Variants in CNTNAP2 observed in about 807,000 individuals in gnomAD.
CNTNAP2 encodes the protein contactin associated protein 2, also known as contactin-associated protein-like 2.
In CNTNAP2, 98 loss-of-function variants were observed where a neutral mutation model predicts 155.2. That is an observed-to-expected ratio of 0.63 (90% CI 0.54 to 0.75). The LOEUF (loss-of-function observed/expected upper bound fraction) is 0.75. Ranked by LOEUF, CNTNAP2 falls within the 30% of genes least tolerant of loss-of-function variation. CNTNAP2 has a pLI of 0.00. For synonymous variants in CNTNAP2, 651 were observed against 631.2 expected, an observed-to-expected ratio of 1.03 and a Z score of -0.47; for missense variants, 1,727 against 1,688.1, an observed-to-expected ratio of 1.02 and a Z score of -0.40.
At chr7:147,107,284 G>T (rs2129279318) in intron 4 of CNTNAP2, among the ~76,000 whole-genome samples, 1 of 152,034 alleles carries the variant, frequency 6.6e-6, no homozygotes, top group Non-Finnish European at 1.5e-5. Flanking sequence ...TTTTATTTCT[G>T]GTGTGAAATA....
intron 11 of CNTNAP2, among the ~76,000 whole-genome samples, chr7:147,506,806 T>G (rs527237425): frequency 1.3e-3 from 194 of 152,266 alleles, no homozygotes; most frequent in African/African-American, 4.3e-3. Context: ...TTAGACCAAA[T>G]TGATTTTCTG....
chr7:147,243,104 TC>T (rs1410955030), intron 8 of CNTNAP2, among the ~76,000 whole-genome samples: 2 of 145,342 alleles, frequency 1.4e-5, no homozygotes, highest in Non-Finnish European at 3.0e-5. Context: ...TTCAAGTGAT[TC>T]CCGTGCCTCA....
At chr7:146,548,816 G>A (rs929722757) in intron 1 of CNTNAP2, among the ~76,000 whole-genome samples, 13 of 53,732 alleles carry the variant, frequency 2.4e-4, no homozygotes, top group Admixed American at 6.2e-4. Context: ...TTTTTTTTTC[G>A]TTTTGTTAAT....
chr7:146,747,927 A>G (rs929344282), intron 1 of CNTNAP2, among the ~76,000 whole-genome samples: 1 of 152,104 alleles, frequency 6.6e-6, no homozygotes, highest in African/African-American at 2.4e-5. Flanking sequence ...ATGATTGAAT[A>G]TTAAATTATT....
intron 2 of CNTNAP2, among the ~76,000 whole-genome samples, chr7:146,811,778 G>T (rs1803070884): frequency 6.6e-6 from 1 of 152,080 alleles, no homozygotes; most frequent in Non-Finnish European, 1.5e-5. Flanking sequence ...CAATTTTGGG[G>T]GTGGTTACTC....
rs116637991 is a variant in CNTNAP2, at chr7:146,694,083, G to A, written c.98-80188G>A. On this transcript the variant is annotated intron_variant, in intron 1 of 23. Coordinates refer to ENST00000361727, the MANE Select transcript of CNTNAP2 (RefSeq NM_014141.6). The stretch of plus-strand genomic sequence containing the variant: ...TTATGAAGCTAAAAATAATATTTTT[G>A]TTCAGAGAAAAATCATACATTGTTT... Among the ~76,000 whole-genome samples, 637 of 152,136 alleles carry A rather than the reference G, an allele frequency of 4.2e-3. 1 individual carries two copies. The highest frequency in any genetic ancestry group is 0.015 in the African/African-American group (611 of 41,510).
chr7:146,906,503 C>T lies in CNTNAP2; in HGVS notation c.402+66599C>T, dbSNP rs1292293345. ...AAGTGGGTCCCTGACCCCTGACCCCCGAGCAGCCTAACTGGGAGGCACCCC... is the reference window on the plus strand; with the variant it reads ...AAGTGGGTCCCTGACCCCTGACCCCTGAGCAGCCTAACTGGGAGGCACCCC... On this transcript the variant is annotated intron_variant, in intron 3 of 23. Coordinates refer to ENST00000361727, the MANE Select transcript of CNTNAP2 (RefSeq NM_014141.6). 1.9e-3 allele frequency among the ~76,000 whole-genome samples: 285 copies of T among 152,106 alleles called. 1 individual carries two copies. The highest frequency in any genetic ancestry group is 3.6e-3 in the Admixed American group (55 of 15,280).
chr7:147,197,273 G>A (rs923667359), intron 8 of CNTNAP2, among the ~76,000 whole-genome samples: 9 of 152,030 alleles, frequency 5.9e-5, no homozygotes, highest in African/African-American at 1.7e-4. Context: ...AAACCTCTAG[G>A]GGGTATTTAA....
At chr7:146,655,686 G>C (rs1435698905) in intron 1 of CNTNAP2, among the ~76,000 whole-genome samples, 1 of 151,940 alleles carries the variant, frequency 6.6e-6, no homozygotes, top group Non-Finnish European at 1.5e-5. Context: ...GTCTAATATA[G>C]TACAACAGGT....
Position 147,073,122 on chromosome 7 carries a change from C to CT in CNTNAP2, c.550+29084dup, listed in dbSNP as rs59033495. Reference sequence around the variant, plus strand: ...CCGCCTCGGCCTCCCAAAGCCTTTTCTTTTTTTTTTTTTTTTAACTTTTAT... The same window carrying CT: ...CCGCCTCGGCCTCCCAAAGCCTTTTCTTTTTTTTTTTTTTTTTAACTTTTAT... On this transcript the variant is annotated intron_variant, in intron 4 of 23. Coordinates refer to ENST00000361727, the MANE Select transcript of CNTNAP2 (RefSeq NM_014141.6). Among the ~76,000 whole-genome samples, 1,171 of 142,186 alleles carry CT rather than the reference C, an allele frequency of 8.2e-3. 11 individuals carry two copies. The highest frequency in any genetic ancestry group is 0.027 in the African/African-American group (1,047 of 38,914). 93.3% of individuals were successfully genotyped at this position (142,186 alleles called of 152,430 possible).
At chr7:146,986,012 T>A (rs578029988) in intron 3 of CNTNAP2, among the ~76,000 whole-genome samples, 1 of 152,300 alleles carries the variant, frequency 6.6e-6, no homozygotes, top group East Asian at 1.9e-4. Context: ...TAATTTTTTT[T>A]ATTTCCATAG....
At chr7:148,015,216 T>TA (rs376947146) in intron 15 of CNTNAP2, among the ~76,000 whole-genome samples, 4 of 152,222 alleles carry the variant, frequency 2.6e-5, no homozygotes, top group Non-Finnish European at 5.9e-5. Context: ...AGTATTTTTT[T>TA]AAAAAAGATG....
intron 3 of CNTNAP2, among the ~76,000 whole-genome samples, chr7:146,904,388 T>A (rs561885556): frequency 4.8e-4 from 73 of 152,330 alleles, no homozygotes; most frequent in Non-Finnish European, 6.2e-4. Flanking sequence ...CAGGTTTACA[T>A]AATACTGTAC....
chr7:146,133,556 T>G (rs928375047), intron 1 of CNTNAP2, among the ~76,000 whole-genome samples: 7 of 152,220 alleles, frequency 4.6e-5, no homozygotes, highest in Admixed American at 2.6e-4. Flanking sequence ...GGTCTAATGT[T>G]TAAGTCTTGA....
At chr7:147,218,223 G>C (rs921214662) in intron 8 of CNTNAP2, among the ~76,000 whole-genome samples, 1 of 151,470 alleles carries the variant, frequency 6.6e-6, no homozygotes, top group Non-Finnish European at 1.5e-5. Flanking sequence ...TCCTAATTTA[G>C]AAGCTTAGAT....
In CNTNAP2 at chr7:147,639,289, G is replaced by C; in HGVS notation, c.2081G>C (p.Arg694Thr). Reference sequence around the variant, plus strand: ...GTCTCCTATTTCTGCAAGATGTCAAGATTGTTGAACACCCCAGGTAGGCTG... The same window carrying C: ...GTCTCCTATTTCTGCAAGATGTCAACATTGTTGAACACCCCAGGTAGGCTG... ...QYVSYFCKMS[R>T]LLNTPDGSPY... The change falls in exon 13 of 24, where the codon AGA becomes ACA. Residue 694 changes from arginine (R) to threonine (T), a missense_variant. Physicochemically the swap from Arg to Thr is moderately conservative, Grantham distance 71 (BLOSUM62 -1). Coordinates refer to ENST00000361727, the MANE Select transcript of CNTNAP2 (RefSeq NM_014141.6). 6.2e-7 allele frequency: 1 copy of C among 1,614,036 alleles called. No individual in the cohort carries two copies. The highest frequency in any genetic ancestry group is 8.5e-7 in the Non-Finnish European group (1 of 1,179,976).
chr7:148,139,703 C>A (rs1289252826), intron 16 of CNTNAP2, among the ~76,000 whole-genome samples: 2 of 152,052 alleles, frequency 1.3e-5, no homozygotes, highest in African/African-American at 4.8e-5. Context: ...TCATGCCCAG[C>A]TAATTTTTTG....
At chr7:146,702,951 T>C (rs1800901722) in intron 1 of CNTNAP2, among the ~76,000 whole-genome samples, 2 of 152,292 alleles carry the variant, frequency 1.3e-5, no homozygotes, top group South Asian at 4.1e-4. Flanking sequence ...AGCTTTGTTG[T>C]TGATCTTATA....
At chr7:148,107,364 A>C (rs933610311) in intron 15 of CNTNAP2, among the ~76,000 whole-genome samples, 1 of 152,172 alleles carries the variant, frequency 6.6e-6, no homozygotes, top group Non-Finnish European at 1.5e-5. Flanking sequence ...ACAGAGACAC[A>C]CAGGGTGAAA....
Sources: gnomAD v4.1 joint callset for allele counts (sites outside exome capture counted in the v4.1 genomes callset) on GRCh38, gnomAD v4.1.1 for gene constraint, MANE v1.5 for transcripts, NCBI Gene and HGNC (gene_info 2026-07-23, HGNC 2026-07-21) for gene names.